The following KIAA0825 variants were observed in gnomAD, a reference collection of about 807,000 sequenced individuals.
The protein encoded by KIAA0825 is KIAA0825.
A neutral mutation model predicts 147.6 loss-of-function variants in KIAA0825; 119 were observed. That is an observed-to-expected ratio of 0.81 (90% CI 0.69 to 0.94). The LOEUF (loss-of-function observed/expected upper bound fraction) is 0.94. KIAA0825 is among the 40% of genes least tolerant of loss of function. The pLI is 0.00. For missense variants in KIAA0825, 1,381 were observed against 1,472.7 expected, an observed-to-expected ratio of 0.94 and a Z score of 1.02; for synonymous variants, 470 against 518.1, an observed-to-expected ratio of 0.91 and a Z score of 1.26.
At chr5:94,473,154 A>G (rs1761430278) in intron 8 of KIAA0825, 138 bp downstream of exon 8, 1 of 650,680 alleles carries the variant, frequency 1.5e-6, no homozygotes, top group South Asian at 2.1e-5. Context: ...ACCACTGAAG[A>G]AAACTGGTAC....
intron 20 of KIAA0825, among the ~76,000 whole-genome samples, chr5:94,255,972 C>T (rs1583973663): frequency 6.6e-6 from 1 of 151,854 alleles, no homozygotes; most frequent in Non-Finnish European, 1.5e-5. Flanking sequence ...CCTCAGCCTC[C>T]CAAAGTATTG....
At chr5:94,274,896 G>A (rs575088117) in intron 20 of KIAA0825, among the ~76,000 whole-genome samples, 15 of 152,184 alleles carry the variant, frequency 9.9e-5, no homozygotes, top group African/African-American at 3.6e-4. Context: ...CTTGTGTCAC[G>A]TGACCATTTC....
At chr5:94,255,511 G>A (rs1776199810) in intron 20 of KIAA0825, among the ~76,000 whole-genome samples, 1 of 151,870 alleles carries the variant, frequency 6.6e-6, no homozygotes, top group African/African-American at 2.4e-5. Flanking sequence ...ATGGAGATAC[G>A]GTGTTGTGTG....
rs184542278 is a variant in KIAA0825, at chr5:94,451,279, T to G, written c.2357+1680A>C. Among the ~76,000 whole-genome samples the G allele has an allele frequency of 3.9e-5, 6 of 152,318 alleles. No homozygotes were observed. The East Asian group carries it at 1.2e-3, about 29-fold the overall frequency. On this transcript the variant is annotated intron_variant, in intron 13 of 20. Coordinates refer to ENST00000682413, the MANE Select transcript of KIAA0825 (RefSeq NM_001145678.3). Reference sequence around the variant, plus strand: ...ATGCCACTATTCCATACTGAATTGTTTAATGCTACAATGTAGAACATTTAT... The same window carrying G: ...ATGCCACTATTCCATACTGAATTGTGTAATGCTACAATGTAGAACATTTAT...
intron 3 of KIAA0825, among the ~76,000 whole-genome samples, chr5:94,536,681 C>T (rs1461678446): frequency 6.6e-6 from 1 of 152,136 alleles, no homozygotes; most frequent in African/African-American, 2.4e-5. Flanking sequence ...CAATCAGGGC[C>T]TTACACTCTA....
chr5:94,281,270 G>A (rs1000902437), intron 20 of KIAA0825, among the ~76,000 whole-genome samples: 1 of 149,806 alleles, frequency 6.7e-6, no homozygotes, highest in African/African-American at 2.5e-5. Context: ...GCATTTTCTT[G>A]CGTATTGTCA....
At chr5:94,458,540 A>G (rs1759418034) in intron 12 of KIAA0825, among the ~76,000 whole-genome samples, 1 of 152,154 alleles carries the variant, frequency 6.6e-6, no homozygotes, top group African/African-American at 2.4e-5. Flanking sequence ...GCCCTCTTTA[A>G]ATTCAATGAC....
chr5:94,612,952 T>C (rs1204157610), intron 1 of KIAA0825, among the ~76,000 whole-genome samples: 1 of 152,224 alleles, frequency 6.6e-6, no homozygotes, highest in African/African-American at 2.4e-5. Flanking sequence ...GTAAAGTTGA[T>C]AGTATTACTT....
intron 7 of KIAA0825, among the ~76,000 whole-genome samples, chr5:94,473,790 TTAAA>T (rs1171647759): frequency 2.0e-5 from 3 of 152,314 alleles, no homozygotes; most frequent in African/African-American, 4.8e-5. Flanking sequence ...ATTTAATCTC[TTAAA>T]TATAGTTCAA....
At chr5:94,364,384 C>A (rs1745511507) in intron 20 of KIAA0825, among the ~76,000 whole-genome samples, 1 of 151,484 alleles carries the variant, frequency 6.6e-6, no homozygotes, top group Non-Finnish European at 1.5e-5. Context: ...TGCTTCATTT[C>A]TTTTCTTTTT....
intron 20 of KIAA0825, among the ~76,000 whole-genome samples, chr5:94,274,745 G>T (rs188737148): frequency 9.9e-5 from 15 of 152,270 alleles, no homozygotes; most frequent in African/African-American, 3.6e-4. Context: ...TTACTTCACT[G>T]TAGCTTCCTT....
chr5:94,243,002 T>C (rs970281999), intron 20 of KIAA0825, among the ~76,000 whole-genome samples: 1 of 152,170 alleles, frequency 6.6e-6, no homozygotes, highest in African/African-American at 2.4e-5. Context: ...GTTTCCTTTG[T>C]CATAACTAAC....
At chr5:94,182,144 A>G (rs552339427) in intron 20 of KIAA0825, among the ~76,000 whole-genome samples, 48 of 151,298 alleles carry the variant, frequency 3.2e-4, no homozygotes, top group Admixed American at 2.5e-3. Flanking sequence ...AGCGCACCCT[A>G]TAGACAATGC....
chr5:94,199,962 G>A (rs1295971731), intron 20 of KIAA0825, among the ~76,000 whole-genome samples: 1 of 152,158 alleles, frequency 6.6e-6, no homozygotes, highest in Non-Finnish European at 1.5e-5. Flanking sequence ...GGCAGACAGA[G>A]GGTCATTCAG....
At chr5:94,356,161 A>C (rs911907848) in intron 20 of KIAA0825, among the ~76,000 whole-genome samples, 3 of 152,206 alleles carry the variant, frequency 2.0e-5, no homozygotes, top group African/African-American at 7.2e-5. Flanking sequence ...GTACTTATTC[A>C]ATGTTTTAAA....
intron 20 of KIAA0825, among the ~76,000 whole-genome samples, chr5:94,228,675 A>G (rs1196195308): frequency 6.6e-6 from 1 of 152,156 alleles, no homozygotes; most frequent in Non-Finnish European, 1.5e-5. Flanking sequence ...AAAGAACTCA[A>G]AGGAAAAGAG....
intron 20 of KIAA0825, among the ~76,000 whole-genome samples, chr5:94,274,180 G>T (rs1777113357): frequency 6.6e-6 from 1 of 152,082 alleles, no homozygotes; most frequent in Non-Finnish European, 1.5e-5. Context: ...GTTAACATTG[G>T]CATACATAAC....
At chr5:94,413,291 G>A (rs1427684472) in intron 15 of KIAA0825, 1 of 152,092 alleles carries the variant, frequency 6.6e-6, no homozygotes, top group African/African-American at 2.4e-5. Context: ...TTCCTGGAAT[G>A]AATTCCTCAC....
intron 10 of KIAA0825, among the ~76,000 whole-genome samples, chr5:94,466,501 C>T (rs998659906): frequency 7.2e-5 from 11 of 151,972 alleles, no homozygotes; most frequent in Admixed American, 3.3e-4. Context: ...GGGCGGATCA[C>T]GACGTCAGGA....
Sources: allele counts gnomAD v4.1 joint callset (sites outside exome capture counted in the v4.1 genomes callset), GRCh38; gene constraint gnomAD v4.1.1; transcripts MANE v1.5; gene names NCBI Gene and HGNC (gene_info 2026-07-23, HGNC 2026-07-21).